Variants in MGST2 observed in about 807,000 individuals in gnomAD.
MGST2 encodes the protein glutathione peroxidase MGST2.
A neutral mutation model predicts 16.6 loss-of-function variants in MGST2; 9 were observed. The observed-to-expected ratio is 0.54, with a 90% CI of 0.33 to 0.95. The LOEUF (loss-of-function observed/expected upper bound fraction) is 0.95, where lower values mean the gene tolerates loss of function less well. Among genes scored for constraint, MGST2 ranks in the 40% least tolerant of loss-of-function variants. The probability of loss-of-function intolerance (pLI) is 0.03; values close to 1 mark genes in which losing one functional copy is unlikely to be tolerated. For missense variants in MGST2, 159 were observed against 175.1 expected (o/e 0.91, Z 0.52); for synonymous variants, 79 against 68.0 (o/e 1.16, Z -0.79).
intron 5 of MGST2, chr4:139,719,528 G>A (rs765990651): frequency 1.2e-6 from 2 of 1,613,918 alleles, no homozygotes; most frequent in Non-Finnish European, 1.7e-6. Flanking sequence ...GCTGCCACTG[G>A]GTATCTGCTG....
At chr4:139,742,137 T>A (rs1198315780), downstream of MGST2, among the ~76,000 whole-genome samples, 2 of 134,938 alleles carry the variant, frequency 1.5e-5, no homozygotes, top group Non-Finnish European at 1.6e-5. Context: ...TCTTAAACTT[T>A]TCTTTTCTTT....
chr4:139,703,931 A>G, intron 4 of MGST2, 85 bp from the exon 5 acceptor site: 1 of 1,554,430 alleles, frequency 6.4e-7, no homozygotes, highest in Non-Finnish European at 8.9e-7. Context: ...GGACAGTGTT[A>G]ACGATAGGAC....
At chr4:139,689,294 C>T (rs1271843087) in intron 2 of MGST2, among the ~76,000 whole-genome samples, 1 of 152,080 alleles carries the variant, frequency 6.6e-6, no homozygotes, top group Non-Finnish European at 1.5e-5. Context: ...CCTTTCCCTG[C>T]ATGCTCTTTG....
intron 3 of MGST2, among the ~76,000 whole-genome samples, chr4:139,697,445 T>C (rs549918459): frequency 1.3e-5 from 2 of 152,346 alleles, no homozygotes; most frequent in South Asian, 4.1e-4. Context: ...CTGCTTCTCC[T>C]GTTATCTTGA....
chr4:139,667,558 G>A (rs1039513589), intron 1 of MGST2, among the ~76,000 whole-genome samples: 3 of 152,098 alleles, frequency 2.0e-5, no homozygotes, highest in Non-Finnish European at 4.4e-5. Context: ...GACAGGGAAT[G>A]TTTAATGACA....
the MGST2 span, among the ~76,000 whole-genome samples, chr4:139,748,656 T>C: frequency 6.6e-6 from 1 of 152,176 alleles, no homozygotes; most frequent in East Asian, 1.9e-4. Flanking sequence ...CTGTGCTTTC[T>C]ATAGTCTATA....
At chr4:139,749,384 G>A in the MGST2 span, among the ~76,000 whole-genome samples, 6 of 152,186 alleles carry the variant, frequency 3.9e-5, no homozygotes, top group Non-Finnish European at 8.8e-5. Flanking sequence ...ATAGATATTT[G>A]CATATATTCC....
rs138894334 is a variant in MGST2, at chr4:139,682,214, A to T, written c.158+3572A>T. Among the ~76,000 whole-genome samples, 966 of 149,720 alleles carry T rather than the reference A, an allele frequency of 6.5e-3. 9 individuals are homozygous for T. Among genetic ancestry groups the T allele is most frequent in the African/African-American group, 0.022 (888 of 40,382 alleles). On this transcript the variant is annotated intron_variant, in intron 2 of 4. Transcript: ENST00000265498. Reference sequence around the variant, plus strand: ...CCAACTCAAAATGAAAGAGAAAATCATATATTATGTTAGAAGGTAATTGGT... The same window carrying T: ...CCAACTCAAAATGAAAGAGAAAATCTTATATTATGTTAGAAGGTAATTGGT...
chr4:139,668,346 G>T (rs894054482), intron 1 of MGST2, among the ~76,000 whole-genome samples: 1 of 152,270 alleles, frequency 6.6e-6, no homozygotes, highest in Middle Eastern at 3.4e-3. Flanking sequence ...CTGGATCAGA[G>T]AAAAGACCTG....
chr4:139,735,115 G>C lies in MGST2; in HGVS notation c.*49-5097G>C, dbSNP rs1204827607. On this transcript the variant is annotated intron_variant, in intron 5 of 5. Coordinates refer to the MGST2 transcript ENST00000616265. The surrounding 1 kb of genome is among the most constrained non-coding windows in gnomAD (Gnocchi z 5.8). ...CGTCTGGGCGAGCGCTGCGAACGTG[G>C]AGCCAGGCAGTCAAGTGTTACTGCG... Among the ~76,000 whole-genome samples the C allele has an allele frequency of 6.6e-6, 1 of 152,194 alleles. No individual in the cohort carries two copies. Among genetic ancestry groups the C allele is most frequent in the Non-Finnish European group, 1.5e-5 (1 of 68,036 alleles).
At chr4:139,670,774 T>G (rs1730644356) in intron 1 of MGST2, among the ~76,000 whole-genome samples, 1 of 151,332 alleles carries the variant, frequency 6.6e-6, no homozygotes, top group Admixed American at 6.6e-5. Context: ...ATTAGCTGAG[T>G]GTTGTGGCAC....
At chr4:139,728,122 G>T (rs903600463) in intron 5 of MGST2, among the ~76,000 whole-genome samples, 1 of 152,156 alleles carries the variant, frequency 6.6e-6, no homozygotes, top group African/African-American at 2.4e-5. Context: ...GGCTGAGGTG[G>T]GAAGATTGCT....
At chr4:139,709,560 C>T (rs942117041) in intron 5 of MGST2, among the ~76,000 whole-genome samples, 1 of 151,994 alleles carries the variant, frequency 6.6e-6, no homozygotes, top group East Asian at 1.9e-4. Context: ...AATGGTTCTG[C>T]GAAATATATA....
intron 5 of MGST2, chr4:139,717,198 C>G (rs1427368211): frequency 6.6e-6 from 1 of 152,416 alleles, no homozygotes; most frequent in Non-Finnish European, 1.5e-5. Context: ...TAAAATCTAC[C>G]TATTAGTTGG....
chr4:139,685,012 C>G (rs1731482690), intron 2 of MGST2: 1 of 152,224 alleles, frequency 6.6e-6, no homozygotes. Flanking sequence ...TCTAAGGTAC[C>G]TGGGGTGCCC....
At position 139,719,442 on chromosome 4, in the gene MGST2, C is replaced by T. The variant is rs751266761; in HGVS notation, c.*48+15246C>T. Reference sequence around the variant, plus strand: ...AGGCCAGGGAAGGAACCCCCAGCTCCGTCGCCACTGTAATTGTATGACACG... The same window carrying T: ...AGGCCAGGGAAGGAACCCCCAGCTCTGTCGCCACTGTAATTGTATGACACG... On this transcript the variant is annotated intron_variant, in intron 5 of 5. Coordinates refer to the MGST2 transcript ENST00000616265. 40 of 1,613,896 alleles carry T rather than the reference C, an allele frequency of 2.5e-5. No homozygotes were observed. In the South Asian group the frequency reaches 3.2e-4, roughly 13 times the overall value.
downstream of MGST2, among the ~76,000 whole-genome samples, chr4:139,706,757 C>CA (rs774587027): frequency 6.6e-6 from 1 of 152,124 alleles, no homozygotes; most frequent in Non-Finnish European, 1.5e-5. Flanking sequence ...AAGGCCTTGT[C>CA]ACTTTAAACA....
intron 5 of MGST2, chr4:139,731,435 TAAAAAAAAAAAAAAAAAAAAAA>T (rs70943437): frequency 2.6e-5 from 1 of 38,718 alleles, no homozygotes; most frequent in Non-Finnish European, 5.0e-5. Context: ...CTGTCTCTAC[TAAAAAAAAAAAAAAAAAAAAAA>T]AAAAAAAAAA....
chr4:139,671,163 A>C (rs551129632), intron 1 of MGST2, among the ~76,000 whole-genome samples: 150 of 152,164 alleles, frequency 9.9e-4, no homozygotes, highest in Middle Eastern at 3.4e-3. Flanking sequence ...TCCAAAAGGG[A>C]GGGGGCACAA....
Sources: gnomAD v4.1 joint callset for allele counts (sites outside exome capture counted in the v4.1 genomes callset) on GRCh38, gnomAD v4.1.1 for gene constraint, Gnocchi (gnomAD v3.1) non-coding constraint, MANE v1.5 for transcripts, NCBI Gene and HGNC (gene_info 2026-07-23, HGNC 2026-07-21) for gene names.